Variants in ARL15 observed in about 807,000 individuals in gnomAD.
ARL15 encodes the protein ADP-ribosylation factor-like protein 15.
ARL15 carries 19 observed loss-of-function variants against 25.2 expected under a neutral mutation model. That is an observed-to-expected ratio of 0.75 (90% CI 0.53 to 1.10). ARL15 has a LOEUF of 1.10. Ranked by LOEUF, ARL15 falls within the 50% of genes least tolerant of loss-of-function variation. ARL15 has a pLI of 0.00. For synonymous variants in ARL15, 94 were observed against 86.8 expected (o/e 1.08, Z -0.46); for missense variants, 220 against 246.0 (o/e 0.89, Z 0.71).
chr5:54,185,307 C>T (rs1755207448), intron 1 of ARL15, among the ~76,000 whole-genome samples: 1 of 152,068 alleles, frequency 6.6e-6, no homozygotes, highest in Non-Finnish European at 1.5e-5. Flanking sequence ...TCTTAGTTAC[C>T]CTTCAAAATT....
chr5:54,032,214 T>C (rs1750013041), intron 4 of ARL15, among the ~76,000 whole-genome samples: 1 of 152,064 alleles, frequency 6.6e-6, no homozygotes, highest in Non-Finnish European at 1.5e-5. Flanking sequence ...CATTTGTTTA[T>C]TCATGGGTTT....
chr5:53,980,227 A>G (rs113877120), intron 4 of ARL15, among the ~76,000 whole-genome samples: 4,607 of 152,302 alleles, frequency 0.03, 92 homozygotes, highest in Non-Finnish European at 0.049. Context: ...ATTTCTTAGT[A>G]CTAGTTTGAA....
At chr5:54,135,067 A>G (rs1753561223) in intron 3 of ARL15, among the ~76,000 whole-genome samples, 1 of 152,202 alleles carries the variant, frequency 6.6e-6, no homozygotes, top group Non-Finnish European at 1.5e-5. Context: ...AAAAGAAAAA[A>G]AGCCAAAAAG....
chr5:53,886,690 T>C lies in ARL15; in HGVS notation c.486A>G (p.Glu162=), dbSNP rs1744536480. The C allele has an allele frequency of 1.3e-6, 2 of 1,561,708 alleles. No homozygotes were observed. The highest frequency in any genetic ancestry group is 1.7e-6 in the Non-Finnish European group (2 of 1,154,088). The change falls in exon 5 of 5, where the codon GAA becomes GAG. Residue 162 remains glutamate, a synonymous_variant. Transcript: ENST00000504924. ...TCCAGCGTTTTCCACGTGCAAGTGG[T>C]TCAAGTTCAAAATATTTTTTGATCT... The part of the protein sequence containing the change: ...VQEIKKYFEL[E]PLARGKRWIL...
chr5:54,058,800 G>A (rs1275024264), intron 4 of ARL15, among the ~76,000 whole-genome samples: 2 of 152,098 alleles, frequency 1.3e-5, no homozygotes, highest in Non-Finnish European at 2.9e-5. Context: ...TTGAACAGAG[G>A]AGTGATATCA....
At chr5:54,007,298 GT>G (rs1393103371) in intron 4 of ARL15, among the ~76,000 whole-genome samples, 1 of 152,104 alleles carries the variant, frequency 6.6e-6, no homozygotes, top group East Asian at 1.9e-4. Context: ...TACTCTTTGC[GT>G]TTTCAAGATG....
intron 3 of ARL15, among the ~76,000 whole-genome samples, chr5:54,131,676 C>A (rs1753442299): frequency 6.6e-6 from 1 of 152,168 alleles, no homozygotes; most frequent in South Asian, 2.1e-4. Context: ...TACTCCAGCA[C>A]TTTCTGAGAA....
At chr5:54,190,051 A>G (rs1019711756) in intron 1 of ARL15, among the ~76,000 whole-genome samples, 1 of 152,188 alleles carries the variant, frequency 6.6e-6, no homozygotes, top group Non-Finnish European at 1.5e-5. Context: ...AATTAAGTAC[A>G]TGAAAAGATG....
At chr5:53,949,685 G>A (rs1309238227) in intron 4 of ARL15, among the ~76,000 whole-genome samples, 3 of 152,188 alleles carry the variant, frequency 2.0e-5, no homozygotes. Context: ...ACTGTGGCAT[G>A]CCTACAAGAG....
At chr5:54,120,110 T>C (rs932139345) in intron 3 of ARL15, among the ~76,000 whole-genome samples, 2 of 152,224 alleles carry the variant, frequency 1.3e-5, no homozygotes, top group African/African-American at 4.8e-5. Flanking sequence ...TTTTATAGAA[T>C]ACTTATTCTG....
intron 2 of ARL15, among the ~76,000 whole-genome samples, chr5:54,158,971 G>C (rs1030226309): frequency 2.0e-5 from 3 of 152,112 alleles, no homozygotes; most frequent in Non-Finnish European, 4.4e-5. Context: ...CCAACAAACT[G>C]AGGGATTCAC....
intron 4 of ARL15, among the ~76,000 whole-genome samples, chr5:53,969,262 TA>T (rs1186300626): frequency 1.3e-5 from 2 of 152,206 alleles, no homozygotes; most frequent in Non-Finnish European, 2.9e-5. Flanking sequence ...GCATATTTTT[TA>T]AAAACTGAAA....
Position 53,898,135 on chromosome 5 carries a change from C to A in ARL15, c.463-11422G>T, listed in dbSNP as rs1744933122. ...AGGAGGAGGAGGAAGAGAGGTTGGT[C>A]TTGCTATCTCACAGGTGGCAGAGGC... On this transcript the variant is annotated intron_variant, in intron 4 of 4. Coordinates refer to ENST00000504924, the MANE Select transcript of ARL15 (RefSeq NM_019087.3). Among the ~76,000 whole-genome samples the A allele has an allele frequency of 2.6e-5, 4 of 152,262 alleles. No homozygotes were observed. In the South Asian group the frequency reaches 8.3e-4, roughly 32 times the overall value.
chr5:54,246,683 C>T (rs61642152), intron 1 of ARL15, among the ~76,000 whole-genome samples: 2 of 151,974 alleles, frequency 1.3e-5, no homozygotes, highest in East Asian at 1.9e-4. Flanking sequence ...TCTATTCCTG[C>T]GACCATCACC....
chr5:54,171,086 G>A (rs1343947691), intron 2 of ARL15, among the ~76,000 whole-genome samples: 4 of 152,118 alleles, frequency 2.6e-5, no homozygotes, highest in African/African-American at 9.7e-5. Context: ...CCCTAGCCAG[G>A]ATTTCTCACT....
chr5:54,244,802 A>T (rs200264481), intron 1 of ARL15, among the ~76,000 whole-genome samples: 2 of 23,594 alleles, frequency 8.5e-5, no homozygotes, highest in Non-Finnish European at 3.2e-4. Context: ...GTAGCCATAA[A>T]AAAAAAAAAC....
chr5:53,892,676 C>A (rs1744758478), intron 4 of ARL15, among the ~76,000 whole-genome samples: 1 of 151,502 alleles, frequency 6.6e-6, no homozygotes, highest in Admixed American at 6.6e-5. Context: ...AATCATAGCT[C>A]ACTTCAGCCT....
chr5:54,015,379 G>T (rs1359603255), intron 4 of ARL15, among the ~76,000 whole-genome samples: 1 of 151,726 alleles, frequency 6.6e-6, no homozygotes, highest in East Asian at 1.9e-4. Flanking sequence ...TCCAAAATGT[G>T]AAACACTGCT....
At chr5:54,179,919 G>A (rs891325528) in intron 1 of ARL15, among the ~76,000 whole-genome samples, 2 of 151,538 alleles carry the variant, frequency 1.3e-5, no homozygotes, top group African/African-American at 4.9e-5. Flanking sequence ...TCAGGAGGCC[G>A]AGGCAGGAGA....
Sources: allele counts gnomAD v4.1 joint callset (sites outside exome capture counted in the v4.1 genomes callset), GRCh38; gene constraint gnomAD v4.1.1; transcripts MANE v1.5; gene names NCBI Gene and HGNC (gene_info 2026-07-23, HGNC 2026-07-21).